Variants in TM7SF3 observed in about 807,000 individuals in gnomAD.
TM7SF3 encodes transmembrane 7 superfamily member 3.
In TM7SF3, 60 loss-of-function variants were observed where a neutral mutation model predicts 65.5. The observed-to-expected ratio is 0.92, with a 90% CI of 0.74 to 1.14. The LOEUF (loss-of-function observed/expected upper bound fraction) is 1.14. Among genes scored for constraint, TM7SF3 ranks in the 50% most tolerant of loss-of-function variants. The pLI is 0.00. For missense variants in TM7SF3, 623 were observed against 684.8 expected, an observed-to-expected ratio of 0.91 and a Z score of 1.01; for synonymous variants, 264 against 259.6, an observed-to-expected ratio of 1.02 and a Z score of -0.16.
At chr12:26,993,498 C>A (rs1940463776) in intron 5 of TM7SF3, among the ~76,000 whole-genome samples, 1 of 152,188 alleles carries the variant, frequency 6.6e-6, no homozygotes, top group Non-Finnish European at 1.5e-5. Flanking sequence ...TAATGTCAGA[C>A]TGCACTACAT....
At chr12:26,979,522 T>G (rs576300321) in intron 9 of TM7SF3, 51 of 415,958 alleles carry the variant, frequency 1.2e-4, no homozygotes, top group African/African-American at 1.0e-3. Context: ...CCATTATTTC[T>G]AATAAACACA....
Position 27,012,075 on chromosome 12 carries a change from T to G in TM7SF3, c.91+2003A>C, listed in dbSNP as rs148726515. Among the ~76,000 whole-genome samples the G allele has an allele frequency of 5.9e-3, 892 of 152,258 alleles. 3 individuals carry two copies. The highest frequency in any genetic ancestry group is 0.02 in the African/African-American group (818 of 41,546). On this transcript the variant is annotated intron_variant, in intron 1 of 11. Coordinates refer to ENST00000343028, the MANE Select transcript of TM7SF3 (RefSeq NM_016551.3). ...TCTTCTACCTCCATCATAAGGCTAT[T>G]TTGAAGAATGAGGATTCACAGAAGG...
intron 11 of TM7SF3, among the ~76,000 whole-genome samples, chr12:26,974,716 C>T (rs578008111): frequency 6.6e-6 from 1 of 152,136 alleles, no homozygotes; most frequent in African/African-American, 2.4e-5. Flanking sequence ...TACTCAGCTT[C>T]TAGTAAAGCT....
At chr12:26,978,053 G>T in intron 9 of TM7SF3, 1 of 450,032 alleles carries the variant, frequency 2.2e-6, no homozygotes, top group Non-Finnish European at 4.4e-6. Context: ...CTATGATAGT[G>T]TCACTGCAGT....
At chr12:26,985,408 C>T (rs561043400) in intron 6 of TM7SF3, among the ~76,000 whole-genome samples, 1 of 151,578 alleles carries the variant, frequency 6.6e-6, no homozygotes, top group East Asian at 1.9e-4. Context: ...GGCATATCAC[C>T]TGAGGTCAGG....
intron 11 of TM7SF3, among the ~76,000 whole-genome samples, chr12:26,974,695 T>G (rs139737107): frequency 6.6e-6 from 1 of 152,268 alleles, no homozygotes; most frequent in African/African-American, 2.4e-5. Flanking sequence ...ATGAAAAGAT[T>G]CAACCAATCG....
Position 27,014,335 on chromosome 12 carries a change from C to T in TM7SF3, c.-167G>A, listed in dbSNP as rs1941363377. 4.8e-6 allele frequency: 2 copies of T among 414,822 alleles called. No individual in the cohort carries two copies. Among genetic ancestry groups the T allele is most frequent in the South Asian group, 1.8e-4 (2 of 11,334 alleles). 25.7% of individuals were successfully genotyped at this position (414,822 alleles called of 1,614,324 possible). A position where few individuals can be genotyped will look rare whatever the true frequency, so the allele number is the denominator to read the frequency against. On this transcript the variant is annotated 5_prime_UTR_variant, in exon 1 of 12. Coordinates refer to ENST00000343028, the MANE Select transcript of TM7SF3 (RefSeq NM_016551.3). ...TGCCAGCTCCGCAGCCGCCGGCGCG[C>T]GCCCCGCCGAACTCCTAGCCCCAGC... is the stretch of plus-strand genomic sequence containing the variant.
At chr12:27,010,748 T>C (rs1217232656) in intron 1 of TM7SF3, among the ~76,000 whole-genome samples, 3 of 152,202 alleles carry the variant, frequency 2.0e-5, no homozygotes, top group Non-Finnish European at 4.4e-5. Flanking sequence ...TAAAAAGAAA[T>C]GGCTTTTTTT....
chr12:26,995,416 C>A lies in TM7SF3; in HGVS notation c.519-8G>T. The A allele has an allele frequency of 6.2e-7, 1 of 1,613,976 alleles. No homozygotes were observed. The highest frequency in any genetic ancestry group is 1.1e-5 in the South Asian group (1 of 91,026). ...GGTGGGGGATCTACGCCTCTAAAGT[C>A]AACCAACAAAATGAAACATCAGTCT... On this transcript the variant is annotated splice_region_variant and splice_polypyrimidine_tract_variant and intron_variant, in intron 4 of 11. Coordinates refer to ENST00000343028, the MANE Select transcript of TM7SF3 (RefSeq NM_016551.3).
chr12:26,983,027 A>C (rs1310139452), intron 6 of TM7SF3, among the ~76,000 whole-genome samples, 168 bp from the exon 7 acceptor site: 1 of 152,142 alleles, frequency 6.6e-6, no homozygotes, highest in Non-Finnish European at 1.5e-5. Flanking sequence ...CTAATGAATG[A>C]ACCTATGTAG....
intron 1 of TM7SF3, among the ~76,000 whole-genome samples, chr12:27,007,538 A>G (rs1054017228): frequency 1.4e-4 from 22 of 152,176 alleles, no homozygotes; most frequent in African/African-American, 5.3e-4. Context: ...GGGGATTAAA[A>G]AAAAAACAGA....
chr12:26,997,738 C>A (rs528450059), intron 3 of TM7SF3, among the ~76,000 whole-genome samples: 11 of 152,016 alleles, frequency 7.2e-5, no homozygotes, highest in Non-Finnish European at 1.5e-4. Flanking sequence ...TCATAAAGGG[C>A]CACCGCTGAC....
At chr12:27,000,967 G>T (rs1485665603) in intron 2 of TM7SF3, among the ~76,000 whole-genome samples, 1 of 151,870 alleles carries the variant, frequency 6.6e-6, no homozygotes, top group Non-Finnish European at 1.5e-5. Flanking sequence ...AGACTCAAGA[G>T]GTTCTATCAA....
rs1365671036 is a variant in TM7SF3, at chr12:26,975,608, G to A, written c.1338C>T (p.Ala446=). 1.2e-6 allele frequency: 2 copies of A among 1,614,056 alleles called. No individual in the cohort carries two copies. The highest frequency in any genetic ancestry group is 8.5e-7 in the Non-Finnish European group (1 of 1,179,982). The change falls in exon 11 of 12, where the codon GCC becomes GCT. Residue 446 remains alanine (A), a synonymous_variant. Transcript: ENST00000343028. Reference sequence around the variant, plus strand: ...GGCTTGTGGACCAGTAACTGTCAATGGCTAAAACCACCGAATAGGAGCCAA... The same window carrying A: ...GGCTTGTGGACCAGTAACTGTCAATAGCTAAAACCACCGAATAGGAGCCAA... ...GVIGSYSVVL[A]IDSYWSTSLS...
chr12:26,985,678 T>TATAC (rs1452914983), intron 6 of TM7SF3, among the ~76,000 whole-genome samples: 84 of 108,382 alleles, frequency 7.8e-4, no homozygotes, highest in Non-Finnish European at 9.8e-4. Context: ...TATATATATA[T>TATAC]ACACACACAC....
intron 1 of TM7SF3, among the ~76,000 whole-genome samples, chr12:27,010,136 A>T: frequency 6.6e-6 from 1 of 152,216 alleles, no homozygotes; most frequent in African/African-American, 2.4e-5. Context: ...CTCAAAGTAA[A>T]ATTGAGGTAA....
At chr12:26,982,316 G>A (rs1203835940) in intron 7 of TM7SF3, among the ~76,000 whole-genome samples, 1 of 152,084 alleles carries the variant, frequency 6.6e-6, no homozygotes, top group Non-Finnish European at 1.5e-5. Flanking sequence ...GATTACAGGT[G>A]TGAGCCACCA....
chr12:26,999,839 T>C (rs1409326361), intron 2 of TM7SF3, 163 bp from the exon 3 acceptor site: 9 of 632,616 alleles, frequency 1.4e-5, no homozygotes, highest in Non-Finnish European at 2.4e-5. Flanking sequence ...TATGTTCACA[T>C]GCCCACACAT....
At chr12:26,990,650 A>C (rs781210565) in intron 5 of TM7SF3, 23 bp from the exon 6 acceptor site, 10 of 1,599,558 alleles carry the variant, frequency 6.3e-6, no homozygotes, top group Non-Finnish European at 8.6e-6. Flanking sequence ...ATAACACATG[A>C]TTAGTGTTTA....
Sources: allele counts gnomAD v4.1 joint callset (sites outside exome capture counted in the v4.1 genomes callset), GRCh38; gene constraint gnomAD v4.1.1; transcripts MANE v1.5; gene names NCBI Gene and HGNC (gene_info 2026-07-23, HGNC 2026-07-21).